CRPPA: variants seen among roughly 807,000 people sequenced by gnomAD.
CRPPA encodes D-ribitol-5-phosphate cytidylyltransferase.
Under a neutral mutation model 52.0 loss-of-function variants are expected in CRPPA, and 43 were observed. That is an observed-to-expected ratio of 0.83 (90% CI 0.65 to 1.07). The LOEUF is 1.07. CRPPA is among the 50% of genes least tolerant of loss of function. The pLI is 0.00. For missense variants in CRPPA, 629 were observed against 551.7 expected, an observed-to-expected ratio of 1.14 and a Z score of -1.40; for synonymous variants, 250 against 203.5, an observed-to-expected ratio of 1.23 and a Z score of -1.94.
At chr7:16,220,001 T>G (rs1782455136) in intron 8 of CRPPA, among the ~76,000 whole-genome samples, 1 of 142,632 alleles carries the variant, frequency 7.0e-6, no homozygotes, top group Non-Finnish European at 1.5e-5. Context: ...AAAAGAGAAT[T>G]TTAGACCAAT....
chr7:16,277,286 A>C (rs1784222374), intron 6 of CRPPA: 1 of 150,414 alleles, frequency 6.6e-6, no homozygotes, highest in South Asian at 2.1e-4. Context: ...GAATCACTTG[A>C]ACCCAGAAGG....
chr7:16,299,149 T>C (rs1047709992), intron 5 of CRPPA, among the ~76,000 whole-genome samples: 2 of 152,196 alleles, frequency 1.3e-5, no homozygotes, highest in African/African-American at 4.8e-5. Context: ...CAGGTAAATA[T>C]ACAGCTCTCA....
At chr7:16,310,171 AATG>A (rs1318709491) in intron 3 of CRPPA, among the ~76,000 whole-genome samples, 1 of 152,084 alleles carries the variant, frequency 6.6e-6, no homozygotes. Context: ...TTATAGTTAT[AATG>A]ATATCATTGA....
rs573960561 is a variant in CRPPA at position 16,129,476 on chromosome 7, T to C, written c.1252-37677A>G. ...GGTCAAATCCATCCATCTTAGGCTC[T>C]CATTGTCTCTCTCCTTTTTAGCACG... is the stretch of plus-strand genomic sequence containing the variant. On this transcript the variant is annotated intron_variant, in intron 9 of 9. Transcript: ENST00000407010. Among the ~76,000 whole-genome samples, 5 of 152,248 alleles carry C rather than the reference T, an allele frequency of 3.3e-5. No individual in the cohort carries two copies. In the East Asian group the frequency reaches 9.7e-4, roughly 29 times the overall value.
intron 4 of CRPPA, among the ~76,000 whole-genome samples, chr7:16,303,499 A>AAAAAAAAAAAAAAAC (rs1562619571): frequency 2.7e-5 from 4 of 148,466 alleles, no homozygotes; most frequent in African/African-American, 1.0e-4. Context: ...AAAAAAAAAA[A>AAAAAAAAAAAAAAAC]AAAACTTTCA....
chr7:16,103,301 T>C (rs1336381780), intron 9 of CRPPA, among the ~76,000 whole-genome samples: 2 of 151,888 alleles, frequency 1.3e-5, no homozygotes, highest in African/African-American at 4.8e-5. Context: ...TCAGGGCCTG[T>C]TGGTGGGTGT....
intron 3 of CRPPA, among the ~76,000 whole-genome samples, chr7:16,328,976 G>A (rs1785484099): frequency 6.6e-6 from 1 of 152,132 alleles, no homozygotes. Context: ...TTTCTTGACT[G>A]TACATAACAC....
At chr7:16,208,129 T>G (rs1782017790) in intron 9 of CRPPA, among the ~76,000 whole-genome samples, 1 of 152,190 alleles carries the variant, frequency 6.6e-6, no homozygotes, top group Non-Finnish European at 1.5e-5. Flanking sequence ...TGAATCAAAA[T>G]AATATAGCCT....
At chr7:16,383,986 C>T (rs188939248) in intron 2 of CRPPA, among the ~76,000 whole-genome samples, 6 of 152,216 alleles carry the variant, frequency 3.9e-5, no homozygotes, top group East Asian at 1.9e-4. Flanking sequence ...GGCTCGCGCA[C>T]GGTGCGCTGC....
chr7:16,166,237 G>C (rs1318362341), intron 9 of CRPPA, among the ~76,000 whole-genome samples: 1 of 151,896 alleles, frequency 6.6e-6, no homozygotes, highest in East Asian at 1.9e-4. Flanking sequence ...ACAGCATTAG[G>C]ATTAGATAGT....
At chr7:16,296,537 T>C (rs1246921931) in intron 5 of CRPPA, among the ~76,000 whole-genome samples, 2 of 151,938 alleles carry the variant, frequency 1.3e-5, no homozygotes. Flanking sequence ...TAGAATACAA[T>C]TTGTTGACCA....
intron 8 of CRPPA, among the ~76,000 whole-genome samples, chr7:16,218,975 T>C (rs1159413423): frequency 6.6e-6 from 1 of 152,094 alleles, no homozygotes; most frequent in African/African-American, 2.4e-5. Flanking sequence ...CCACCCCAAA[T>C]CAACAGAATA....
intron 1 of CRPPA, among the ~76,000 whole-genome samples, chr7:16,413,121 A>G (rs1788109953): frequency 6.6e-6 from 1 of 152,154 alleles, no homozygotes; most frequent in Admixed American, 6.5e-5. Context: ...TGGCCTCTGG[A>G]TTGTACTATG....
chr7:16,234,168 TAATA>T, intron 8 of CRPPA, among the ~76,000 whole-genome samples: 1 of 152,154 alleles, frequency 6.6e-6, no homozygotes, highest in East Asian at 1.9e-4. Context: ...TTGGTTTACT[TAATA>T]TAGTAGCGAT....
chr7:16,316,426 T>A (rs1317995647), intron 3 of CRPPA, among the ~76,000 whole-genome samples: 1 of 152,200 alleles, frequency 6.6e-6, no homozygotes, highest in Non-Finnish European at 1.5e-5. Flanking sequence ...ATATGTCTTA[T>A]GTAGTAAAAC....
chr7:16,231,818 T>C (rs1019784274), intron 8 of CRPPA, among the ~76,000 whole-genome samples: 3 of 152,176 alleles, frequency 2.0e-5, no homozygotes, highest in African/African-American at 7.2e-5. Flanking sequence ...AAAACAATGT[T>C]TTTTAAAGAC....
At chr7:16,150,702 T>G in intron 9 of CRPPA, among the ~76,000 whole-genome samples, 1 of 152,212 alleles carries the variant, frequency 6.6e-6, no homozygotes, top group Admixed American at 6.5e-5. Context: ...TAGTCCATTT[T>G]GTGCTGCTTA....
In CRPPA at chr7:16,208,641, C is replaced by T. The variant is rs1190131092; in HGVS notation, c.1251+7425G>A. 2.6e-5 allele frequency among the ~76,000 whole-genome samples: 4 copies of T among 152,118 alleles called. 1 individual carries two copies. The highest frequency in any genetic ancestry group is 9.7e-5 in the African/African-American group (4 of 41,408). Reference sequence around the variant, plus strand: ...ACTCCTCCTATACTATTGTGTGTCCCACCCTTATCAAAGAAGGCTATCTTT... The same window carrying T: ...ACTCCTCCTATACTATTGTGTGTCCTACCCTTATCAAAGAAGGCTATCTTT... On this transcript the variant is annotated intron_variant, in intron 9 of 9. Coordinates refer to ENST00000407010, the MANE Select transcript of CRPPA (RefSeq NM_001101426.4).
chr7:16,323,578 T>C (rs1785310556), intron 3 of CRPPA, among the ~76,000 whole-genome samples: 1 of 152,182 alleles, frequency 6.6e-6, no homozygotes, highest in Non-Finnish European at 1.5e-5. Context: ...CCAAGTCCAC[T>C]CCAAATCAGA....
Sources: gnomAD v4.1 joint callset for allele counts (sites outside exome capture counted in the v4.1 genomes callset) on GRCh38, gnomAD v4.1.1 for gene constraint, MANE v1.5 for transcripts, NCBI Gene and HGNC (gene_info 2026-07-23, HGNC 2026-07-21) for gene names.